AEBP2: variants seen among roughly 807,000 people sequenced by gnomAD.
AEBP2 encodes zinc finger protein AEBP2.
Under a neutral mutation model 50.8 loss-of-function variants are expected in AEBP2, and 10 were observed. The ratio of observed to expected loss-of-function variants is 0.20; its 90% confidence interval spans 0.12 to 0.33. The LOEUF (loss-of-function observed/expected upper bound fraction) is 0.33. Among genes scored for constraint, AEBP2 ranks in the 10% least tolerant of loss-of-function variants. AEBP2 has a pLI of 1.00. For missense variants in AEBP2, 570 were observed against 688.0 expected, an observed-to-expected ratio of 0.83 and a Z score of 1.92; for synonymous variants, 296 against 261.3, an observed-to-expected ratio of 1.13 and a Z score of -1.28.
chr12:19,463,100 G>T (rs12296213), intron 2 of AEBP2, among the ~76,000 whole-genome samples: 24,653 of 151,996 alleles, frequency 0.16, 3,494 homozygotes, highest in African/African-American at 0.38. Flanking sequence ...TAAATTAACT[G>T]GGGAGACTAT....
chr12:19,451,245 C>T (rs187740550), intron 1 of AEBP2, among the ~76,000 whole-genome samples: 2 of 152,124 alleles, frequency 1.3e-5, no homozygotes, highest in Non-Finnish European at 2.9e-5. Flanking sequence ...TTCTGCTCTA[C>T]TTGGTATCAG....
In AEBP2 at chr12:19,460,050, T is replaced by C. The variant is rs111841523; in HGVS notation, c.672-2460T>C. 2.8e-3 allele frequency among the ~76,000 whole-genome samples: 433 copies of C among 152,122 alleles called. 1 individual carries two copies. The highest frequency in any genetic ancestry group is 9.9e-3 in the African/African-American group (409 of 41,508). On this transcript the variant is annotated intron_variant, in intron 1 of 7. Coordinates refer to ENST00000266508, the MANE Select transcript of AEBP2 (RefSeq NM_153207.5). The stretch of plus-strand genomic sequence containing the variant: ...TAAAGAGACCTCATCTCTACAGAAA[T>C]TTAAAAAATTTAGTTGGCCATAGTG...
intron 3 of AEBP2, among the ~76,000 whole-genome samples, chr12:19,484,354 C>T (rs933378924): frequency 6.1e-5 from 9 of 147,454 alleles, no homozygotes; most frequent in African/African-American, 2.3e-4. Context: ...TCCCCTTGGT[C>T]TCAGAGAAGT....
At chr12:19,441,315 C>T (rs1947954919) in intron 1 of AEBP2, among the ~76,000 whole-genome samples, 1 of 152,032 alleles carries the variant, frequency 6.6e-6, no homozygotes, top group African/African-American at 2.4e-5. Flanking sequence ...TTTCAATTGT[C>T]TTATCATTAC....
intron 3 of AEBP2, among the ~76,000 whole-genome samples, chr12:19,475,200 C>G (rs1331537224): frequency 6.7e-6 from 1 of 149,846 alleles, no homozygotes; most frequent in Non-Finnish European, 1.5e-5. Flanking sequence ...ACACTGTACC[C>G]ACTGTGTAGT....
chr12:19,480,276 G>C (rs953794557), intron 3 of AEBP2, among the ~76,000 whole-genome samples: 11 of 152,020 alleles, frequency 7.2e-5, no homozygotes, highest in Non-Finnish European at 1.6e-4. Flanking sequence ...GCTAATTTTT[G>C]TATTTTTTAC....
At chr12:19,509,826 T>C (rs945152495) in intron 5 of AEBP2, among the ~76,000 whole-genome samples, 6 of 132,824 alleles carry the variant, frequency 4.5e-5, no homozygotes, top group Non-Finnish European at 8.0e-5. Context: ...CTTTCTTTTT[T>C]TTTTTTTTTT....
At chr12:19,503,109 T>G (rs1949107110) in intron 5 of AEBP2, among the ~76,000 whole-genome samples, 3 of 152,180 alleles carry the variant, frequency 2.0e-5, no homozygotes, top group Admixed American at 2.0e-4. Flanking sequence ...TTAGAATACT[T>G]TTTTGTAATT....
Position 19,521,446 on chromosome 12 carries a change from A to G in AEBP2, c.*3329A>G, listed in dbSNP as rs1825259020. The stretch of plus-strand genomic sequence containing the variant: ...AGAACTAAATAAGATTTTGTACATC[A>G]GATTGTGTTTGAACCGTAAGGCACA... On this transcript the variant is annotated 3_prime_UTR_variant, in exon 8 of 8. Transcript: ENST00000266508. 1 of 152,204 alleles carries G rather than the reference A, an allele frequency of 6.6e-6. No individual in the cohort carries two copies. Among genetic ancestry groups the G allele is most frequent in the Non-Finnish European group, 1.5e-5 (1 of 68,022 alleles). The allele number at this position is 152,204 out of a possible 1,614,324, so 9.4% of individuals were successfully genotyped here. A position where few individuals can be genotyped will look rare whatever the true frequency, so the allele number is the denominator to read the frequency against.
intron 1 of AEBP2, among the ~76,000 whole-genome samples, chr12:19,455,130 A>G (rs553314840): frequency 6.6e-6 from 1 of 151,202 alleles, no homozygotes; most frequent in East Asian, 2.0e-4. Context: ...TGTAGCTGGG[A>G]TTACAGGCAC....
At chr12:19,411,895 C>G (rs2095739417) in intron 1 of AEBP2, among the ~76,000 whole-genome samples, 1 of 152,238 alleles carries the variant, frequency 6.6e-6, no homozygotes, top group African/African-American at 2.4e-5. Context: ...AGACCATGTA[C>G]AGTGAAGCTC....
intron 2 of AEBP2, among the ~76,000 whole-genome samples, chr12:19,466,333 G>T (rs1948473499): frequency 6.6e-6 from 1 of 152,110 alleles, no homozygotes; most frequent in Admixed American, 6.6e-5. Context: ...GCACACGCCT[G>T]TGGTCTTAGC....
chr12:19,497,723 C>T (rs1039118563), intron 4 of AEBP2, among the ~76,000 whole-genome samples: 5 of 152,146 alleles, frequency 3.3e-5, no homozygotes, highest in Non-Finnish European at 2.9e-5. Context: ...CCGCCTCCTG[C>T]CTTGGCCTCC....
chr12:19,498,873 T>C (rs1370984447), intron 4 of AEBP2, among the ~76,000 whole-genome samples: 1 of 152,128 alleles, frequency 6.6e-6, no homozygotes, highest in East Asian at 1.9e-4. Context: ...AAAAATTCCA[T>C]GGTGGAACAT....
upstream of AEBP2, among the ~76,000 whole-genome samples, chr12:19,436,180 A>G (rs779083640): frequency 1.3e-5 from 2 of 152,218 alleles, no homozygotes; most frequent in Non-Finnish European, 2.9e-5. Flanking sequence ...TGTGCTAATT[A>G]TAATACATTA....
intron 1 of AEBP2, among the ~76,000 whole-genome samples, chr12:19,417,497 C>T (rs2095743242): frequency 6.6e-6 from 1 of 152,058 alleles, no homozygotes; most frequent in African/African-American, 2.4e-5. Context: ...ACCTCCGCCT[C>T]CCGGGCTCAA....
intron 5 of AEBP2, among the ~76,000 whole-genome samples, chr12:19,509,816 C>CTTTTTTTT (rs1565737482): frequency 4.1e-5 from 5 of 121,064 alleles, no homozygotes; most frequent in African/African-American, 6.5e-5. Flanking sequence ...AACATGGCTA[C>CTTTTTTTT]TTTCTTTTTT....
At chr12:19,465,623 C>T (rs1280380581) in intron 2 of AEBP2, among the ~76,000 whole-genome samples, 1 of 152,016 alleles carries the variant, frequency 6.6e-6, no homozygotes, top group Non-Finnish European at 1.5e-5. Flanking sequence ...AACTCCTCGA[C>T]TCAAGCGATC....
chr12:19,459,212 C>G (rs998827031), intron 1 of AEBP2, among the ~76,000 whole-genome samples: 3 of 152,088 alleles, frequency 2.0e-5, no homozygotes, highest in African/African-American at 7.2e-5. Context: ...GGTTAAGGGC[C>G]TCATGAAACT....
Sources: allele counts gnomAD v4.1 joint callset (sites outside exome capture counted in the v4.1 genomes callset), GRCh38; gene constraint gnomAD v4.1.1; transcripts MANE v1.5; gene names NCBI Gene and HGNC (gene_info 2026-07-23, HGNC 2026-07-21).